Variants in TRDN observed in about 807,000 individuals in gnomAD.
The protein encoded by TRDN is triadin, also known as triadin in skeletal muscle.
In TRDN, 161 loss-of-function variants were observed where a neutral mutation model predicts 149.7. That is an observed-to-expected ratio of 1.08 (90% CI 0.95 to 1.23). The LOEUF (loss-of-function observed/expected upper bound fraction) is 1.23. TRDN is among the 50% of genes most tolerant of loss of function. TRDN has a pLI of 0.00. For missense variants in TRDN, 896 were observed against 823.5 expected, an observed-to-expected ratio of 1.09 and a Z score of -1.08; for synonymous variants, 294 against 250.5, an observed-to-expected ratio of 1.17 and a Z score of -1.64.
In TRDN at chr6:123,366,173, C is replaced by A; in HGVS notation, c.1283G>T (p.Arg428Leu). 1 of 1,612,788 alleles carries A rather than the reference C, an allele frequency of 6.2e-7. No individual in the cohort carries two copies. Among genetic ancestry groups the A allele is most frequent in the Non-Finnish European group, 8.5e-7 (1 of 1,179,210 alleles). ...SDKQVKAKTE[R>L]AKEEIGAVSI... ...AACCGCACCAATCTCCTCTTTGGCTCGTTCAGTTTCTGCAAGTTCAGATAT... is the reference window on the plus strand; with the variant it reads ...AACCGCACCAATCTCCTCTTTGGCTAGTTCAGTTTCTGCAAGTTCAGATAT... Residue 428 changes from arginine to leucine, a missense_variant, in exon 20 of 41, where the codon CGA (arginine) becomes CTA (leucine). By Grantham distance (102) the Arg-to-Leu change is moderately radical (BLOSUM62 -2). Coordinates refer to ENST00000334268, the MANE Select transcript of TRDN (RefSeq NM_006073.4).
At chr6:123,343,344 A>G (rs1437184471) in intron 21 of TRDN, among the ~76,000 whole-genome samples, 4 of 152,038 alleles carry the variant, frequency 2.6e-5, no homozygotes, top group African/African-American at 9.6e-5. Flanking sequence ...TATATTCTAT[A>G]TTGTCTTTTG....
At chr6:123,571,791 T>C (rs553252434) in intron 1 of TRDN, among the ~76,000 whole-genome samples, 1 of 152,132 alleles carries the variant, frequency 6.6e-6, no homozygotes, top group South Asian at 2.1e-4. Flanking sequence ...GTCTTTTACT[T>C]TTTTTTACTA....
chr6:123,503,445 C>A (rs1778783266), intron 8 of TRDN: 10 of 985,238 alleles, frequency 1.0e-5, no homozygotes, highest in Non-Finnish European at 1.2e-5. Context: ...CAACATTTAT[C>A]CCCAATCTTT....
At chr6:123,242,051 T>G (rs1164704380) in intron 38 of TRDN, among the ~76,000 whole-genome samples, 5 of 152,200 alleles carry the variant, frequency 3.3e-5, no homozygotes, top group Non-Finnish European at 2.9e-5. Context: ...AAAATCTTTT[T>G]CTTTGATATA....
chr6:123,516,325 G>A (rs1421005458), intron 5 of TRDN, 119 bp from the exon 6 acceptor site: 15 of 1,189,286 alleles, frequency 1.3e-5, no homozygotes, highest in Non-Finnish European at 1.5e-5. Flanking sequence ...TTCTTTAACT[G>A]GATTCAGATT....
chr6:123,369,455 T>C (rs1781239737), intron 19 of TRDN, among the ~76,000 whole-genome samples: 2 of 152,082 alleles, frequency 1.3e-5, no homozygotes, highest in South Asian at 4.1e-4. Flanking sequence ...ACCTGAGCAG[T>C]CATCGAAGCT....
intron 1 of TRDN, among the ~76,000 whole-genome samples, chr6:123,581,822 CA>C (rs1202140133): frequency 1.3e-5 from 2 of 152,110 alleles, no homozygotes; most frequent in African/African-American, 4.8e-5. Context: ...AATCATCAAA[CA>C]GAGAAAACTT....
At chr6:123,304,005 T>C (rs1009245020) in intron 24 of TRDN, among the ~76,000 whole-genome samples, 10 of 151,974 alleles carry the variant, frequency 6.6e-5, no homozygotes, top group Non-Finnish European at 1.5e-4. Context: ...GGATGCTGGG[T>C]TCTGAAACAG....
Position 123,216,599 on chromosome 6 carries a change from T to C in TRDN, c.*2002A>G, listed in dbSNP as rs1774979032. ...AAAACTAGTGCCATACCCAAAAGTA[T>C]TACTTCAGAAATTTACTTTAATATC... On this transcript the variant is annotated 3_prime_UTR_variant, in exon 41 of 41. Transcript: ENST00000334268. 6.6e-6 allele frequency: 1 copy of C among 151,820 alleles called. No homozygotes were observed. Among genetic ancestry groups the C allele is most frequent in the Non-Finnish European group, 1.5e-5 (1 of 67,918 alleles). 9.4% of individuals were successfully genotyped at this position (151,820 alleles called of 1,614,324 possible).
intron 21 of TRDN, among the ~76,000 whole-genome samples, chr6:123,341,697 T>C (rs753382711): frequency 6.6e-6 from 1 of 151,998 alleles, no homozygotes; most frequent in Admixed American, 6.6e-5. Context: ...ATTTTAGTTA[T>C]ATATTTAACA....
At position 123,636,826 on chromosome 6, in the gene TRDN, T is replaced by C; in HGVS notation, c.-51A>G. On this transcript the variant is annotated 5_prime_UTR_variant, in exon 1 of 41. Coordinates refer to ENST00000334268, the MANE Select transcript of TRDN (RefSeq NM_006073.4). ...TTGAAAAGTTCCCGTCAAGTTGCACTTTGCAGAGTATTTGGGGATTTGAGA... is the reference window on the plus strand; with the variant it reads ...TTGAAAAGTTCCCGTCAAGTTGCACCTTGCAGAGTATTTGGGGATTTGAGA... The C allele has an allele frequency of 6.2e-7, 1 of 1,609,958 alleles. No homozygotes were observed. Among genetic ancestry groups the C allele is most frequent in the Non-Finnish European group, 8.5e-7 (1 of 1,177,130 alleles).
At chr6:123,429,637 A>G (rs941042208) in intron 12 of TRDN, among the ~76,000 whole-genome samples, 1 of 152,168 alleles carries the variant, frequency 6.6e-6, no homozygotes, top group East Asian at 1.9e-4. Flanking sequence ...AAATCTCTCC[A>G]TATTTTTAAA....
chr6:123,571,258 G>A, intron 1 of TRDN, 126 bp from the exon 2 acceptor site: 1 of 973,438 alleles, frequency 1.0e-6, no homozygotes. Flanking sequence ...CAACTCCTTA[G>A]TGGCAGGACA....
intron 35 of TRDN, among the ~76,000 whole-genome samples, chr6:123,259,026 C>A (rs1162900352): frequency 8.6e-5 from 13 of 152,006 alleles, no homozygotes; most frequent in African/African-American, 3.1e-4. Flanking sequence ...ATTCTTCTCT[C>A]TTTTCTTCTT....
chr6:123,243,758 A>G (rs1776073284), intron 38 of TRDN, among the ~76,000 whole-genome samples: 1 of 152,176 alleles, frequency 6.6e-6, no homozygotes, highest in Non-Finnish European at 1.5e-5. Context: ...GTAAGTCACA[A>G]ATAAAGAAAA....
chr6:123,306,461 T>C (rs1778614891), intron 24 of TRDN, among the ~76,000 whole-genome samples: 1 of 152,076 alleles, frequency 6.6e-6, no homozygotes, highest in Non-Finnish European at 1.5e-5. Context: ...CTTGTCATAC[T>C]CAACTAAAAC....
At chr6:123,350,746 T>C (rs2114291593) in intron 21 of TRDN, 1 of 917,262 alleles carries the variant, frequency 1.1e-6, no homozygotes, top group South Asian at 5.0e-5. Flanking sequence ...GCCATTGTCA[T>C]ACAATATTTA....
intron 10 of TRDN, among the ~76,000 whole-genome samples, chr6:123,446,825 T>A (rs1249646623): frequency 6.6e-6 from 1 of 152,130 alleles, no homozygotes. Flanking sequence ...TGTTGCTAGG[T>A]GGTCAAGTGT....
intron 21 of TRDN, 90 bp from the exon 22 acceptor site, chr6:123,337,759 T>G: frequency 1.4e-6 from 1 of 693,094 alleles, no homozygotes. Context: ...TACTGAGGCT[T>G]AAGATCACAG....
Sources: gnomAD v4.1 joint callset for allele counts (sites outside exome capture counted in the v4.1 genomes callset) on GRCh38, gnomAD v4.1.1 for gene constraint, MANE v1.5 for transcripts, NCBI Gene and HGNC (gene_info 2026-07-23, HGNC 2026-07-21) for gene names.